Variants in NMNAT3 observed in about 807,000 individuals in gnomAD.
The protein encoded by NMNAT3 is nicotinamide nucleotide adenylyltransferase 3, also known as nicotinamide/nicotinic acid mononucleotide adenylyltransferase 3.
NMNAT3 carries 21 observed loss-of-function variants against 24.8 expected under a neutral mutation model. The observed-to-expected ratio is 0.85, with a 90% CI of 0.60 to 1.22. The LOEUF (loss-of-function observed/expected upper bound fraction) is 1.22, where lower values mean the gene tolerates loss of function less well. Ranked by LOEUF, NMNAT3 falls within the 50% of genes most tolerant of loss-of-function variation. The pLI is 0.00. For missense variants in NMNAT3, 387 were observed against 436.6 expected, an observed-to-expected ratio of 0.89 and a Z score of 1.01; for synonymous variants, 136 against 155.2, an observed-to-expected ratio of 0.88 and a Z score of 0.92.
At chr3:139,579,456 T>C (rs1939842638) in intron 4 of NMNAT3, among the ~76,000 whole-genome samples, 2 of 152,184 alleles carry the variant, frequency 1.3e-5, no homozygotes, top group East Asian at 3.8e-4. Flanking sequence ...ATGAAAATTA[T>C]ATATAGTTTC....
At chr3:139,612,879 G>A (rs1488314005) in intron 3 of NMNAT3, among the ~76,000 whole-genome samples, 2 of 152,134 alleles carry the variant, frequency 1.3e-5, no homozygotes, top group African/African-American at 4.8e-5. Flanking sequence ...AACAAGAAAT[G>A]GGGAAAGGAT....
intron 2 of NMNAT3, among the ~76,000 whole-genome samples, chr3:139,633,840 T>C (rs1311744789): frequency 6.6e-6 from 1 of 152,146 alleles, no homozygotes; most frequent in Non-Finnish European, 1.5e-5. Flanking sequence ...GATTTTATCC[T>C]ATGGGCAAGG....
intron 3 of NMNAT3, among the ~76,000 whole-genome samples, chr3:139,586,142 C>T (rs777318351): frequency 6.6e-6 from 1 of 152,176 alleles, no homozygotes; most frequent in Non-Finnish European, 1.5e-5. Context: ...ACCAATACCG[C>T]ATGTTCTCAC....
intron 6 of NMNAT3, chr3:139,565,616 G>C (rs1305871744): frequency 6.6e-6 from 1 of 151,770 alleles, no homozygotes; most frequent in Non-Finnish European, 1.5e-5. Context: ...TGCGGTGTTT[G>C]GTTTTTTGTC....
At chr3:139,668,580 C>T (rs1457418687) in intron 1 of NMNAT3, among the ~76,000 whole-genome samples, 5 of 152,220 alleles carry the variant, frequency 3.3e-5, no homozygotes, top group Non-Finnish European at 7.3e-5. Context: ...GTGAGCAAAC[C>T]AGCTGCCTCT....
intron 2 of NMNAT3, among the ~76,000 whole-genome samples, chr3:139,630,609 A>T (rs1315047563): frequency 6.6e-6 from 1 of 152,178 alleles, no homozygotes; most frequent in Non-Finnish European, 1.5e-5. Flanking sequence ...CAGAGTAGGG[A>T]TCAGTGAAGA....
At chr3:139,663,286 G>T (rs925547775) in intron 1 of NMNAT3, among the ~76,000 whole-genome samples, 1 of 152,144 alleles carries the variant, frequency 6.6e-6, no homozygotes, top group Non-Finnish European at 1.5e-5. Context: ...AAGCATATTT[G>T]TGATTAGATT....
chr3:139,582,979 T>C lies in NMNAT3; in HGVS notation c.339A>G (p.Ile113Met). The change falls in exon 4 of 7, where the codon ATA becomes ATG. Residue 113 changes from isoleucine to methionine, a missense_variant. Transcript: ENST00000643695. ...TGTTTGTTTGGTTCCAGGTGCTATC[T>C]ATAAATATAATTTTTTTCAGTGTTG... 1 of 1,578,606 alleles carries C rather than the reference T, an allele frequency of 6.3e-7. No homozygotes were observed. Among genetic ancestry groups the C allele is most frequent in the East Asian group, 2.3e-5 (1 of 44,254 alleles).
At position 139,627,716 on chromosome 3, in the gene NMNAT3, G is replaced by C; in HGVS notation, c.9C>G (p.Ser3Arg). The stretch of plus-strand genomic sequence containing the variant: ...AGGCCAGGAGCACCACAGGTATTCG[G>C]CTCTTCATCTTGTCAGGCACATCCA... Residue 3 changes from serine to arginine, a missense_variant, in exon 3 of 7, where the codon AGC becomes AGG. Physicochemically the swap from Ser to Arg is moderately radical, Grantham distance 110. Around this residue, in one of 3 missense-constraint regions of NMNAT3, gnomAD observed 51 missense variants for 55.6 expected, o/e 0.92. Transcript: ENST00000643695. 1 of 1,590,322 alleles carries C rather than the reference G, an allele frequency of 6.3e-7. No individual in the cohort carries two copies. Among genetic ancestry groups the C allele is most frequent in the Non-Finnish European group, 8.5e-7 (1 of 1,175,552 alleles).
chr3:139,567,557 T>C (rs1190030300), intron 6 of NMNAT3: 1 of 152,058 alleles, frequency 6.6e-6, no homozygotes, highest in Non-Finnish European at 1.5e-5. Flanking sequence ...TTATTGAGAG[T>C]TTTTAGCATG....
chr3:139,563,339 G>A (rs1272957514), intron 6 of NMNAT3, among the ~76,000 whole-genome samples: 2 of 152,168 alleles, frequency 1.3e-5, no homozygotes, highest in African/African-American at 4.8e-5. Context: ...GTAGTTTTAT[G>A]TGGTCTTCCT....
At chr3:139,677,241 A>G (rs2057959770) in intron 1 of NMNAT3, among the ~76,000 whole-genome samples, 1 of 152,200 alleles carries the variant, frequency 6.6e-6, no homozygotes, top group African/African-American at 2.4e-5. Context: ...ACTTGTTTGC[A>G]TAGATATCCA....
At chr3:139,582,804 A>G in intron 4 of NMNAT3, 1 of 477,582 alleles carries the variant, frequency 2.1e-6, no homozygotes, top group Admixed American at 3.8e-5. Context: ...GAAATAAAGT[A>G]AATGTGGCAA....
intron 3 of NMNAT3, among the ~76,000 whole-genome samples, chr3:139,593,240 T>G (rs1220680333): frequency 1.3e-5 from 2 of 152,030 alleles, no homozygotes; most frequent in East Asian, 1.9e-4. Flanking sequence ...TACATCATGG[T>G]AAAGGGATCA....
intron 3 of NMNAT3, among the ~76,000 whole-genome samples, chr3:139,585,131 C>A (rs1439672628): frequency 6.6e-6 from 1 of 152,002 alleles, no homozygotes; most frequent in Non-Finnish European, 1.5e-5. Flanking sequence ...TATATCCTTG[C>A]TGATTTTCTG....
At chr3:139,594,428 T>C (rs2054347660) in intron 3 of NMNAT3, among the ~76,000 whole-genome samples, 1 of 151,948 alleles carries the variant, frequency 6.6e-6, no homozygotes, top group African/African-American at 2.4e-5. Context: ...TTCCAATCAA[T>C]AGAAAAAGAG....
intron 1 of NMNAT3, among the ~76,000 whole-genome samples, chr3:139,657,173 C>T (rs1277539984): frequency 6.6e-6 from 1 of 152,212 alleles, no homozygotes; most frequent in Non-Finnish European, 1.5e-5. Flanking sequence ...TCACTTCCCA[C>T]TGCCTTTAGA....
At chr3:139,631,903 C>T (rs1449952943) in intron 2 of NMNAT3, among the ~76,000 whole-genome samples, 1 of 152,094 alleles carries the variant, frequency 6.6e-6, no homozygotes. Flanking sequence ...TTTTTTAATG[C>T]ATGTTGCTCT....
chr3:139,560,868 A>G lies in NMNAT3; in HGVS notation c.*142T>C. On this transcript the variant is annotated 3_prime_UTR_variant, in exon 7 of 7. Coordinates refer to ENST00000643695, the MANE Select transcript of NMNAT3 (RefSeq NM_001320510.2). ...AGAAGGTATCTCTTCCTGGGACAGA[A>G]GACTCCTCAGAAGTAGAATCACTGT... is the stretch of plus-strand genomic sequence containing the variant. 1 of 776,222 alleles carries G rather than the reference A, an allele frequency of 1.3e-6. No individual in the cohort carries two copies. The highest frequency in any genetic ancestry group is 2.1e-6 in the Non-Finnish European group (1 of 478,772). The allele number at this position is 776,222 out of a possible 1,614,324, so 48.1% of individuals were successfully genotyped here.
Sources: allele counts gnomAD v4.1 joint callset (sites outside exome capture counted in the v4.1 genomes callset), GRCh38; gene constraint gnomAD v4.1.1; regional missense constraint gnomAD v4.1.1; transcripts MANE v1.5; gene names NCBI Gene and HGNC (gene_info 2026-07-23, HGNC 2026-07-21).